Variants in SLC25A51 observed in about 807,000 individuals in gnomAD.
The protein encoded by SLC25A51 is solute carrier family 25 member 51.
A neutral mutation model predicts 19.1 loss-of-function variants in SLC25A51; 11 were observed. The observed-to-expected ratio is 0.58, with a 90% CI of 0.36 to 0.96. The LOEUF is 0.96. SLC25A51 is among the 40% of genes least tolerant of loss of function. The pLI is 0.01. For missense variants in SLC25A51, 201 were observed against 365.4 expected (o/e 0.55, Z 3.67); for synonymous variants, 105 against 133.6 (o/e 0.79, Z 1.47).
chr9:37,877,911 G>A (rs1016965307), downstream of SLC25A51, among the ~76,000 whole-genome samples: 1 of 152,190 alleles, frequency 6.6e-6, no homozygotes, highest in Non-Finnish European at 1.5e-5. Context: ...GCAATGCTGA[G>A]ATGGGAGGAT....
chr9:37,883,534 A>C (rs1295206292), downstream of SLC25A51, among the ~76,000 whole-genome samples: 2 of 152,216 alleles, frequency 1.3e-5, no homozygotes, highest in Non-Finnish European at 2.9e-5. Flanking sequence ...ACCTGTGTGG[A>C]GTGTAAAGAC....
chr9:37,878,956 G>T (rs185543115), downstream of SLC25A51: 6 of 228,298 alleles, frequency 2.6e-5, no homozygotes, highest in Admixed American at 3.3e-4. Context: ...ACTCCTGAAG[G>T]GTTCCAAATG....
intron 2 of SLC25A51, among the ~76,000 whole-genome samples, chr9:37,899,164 T>C (rs1047420517): frequency 3.9e-5 from 6 of 152,234 alleles, no homozygotes; most frequent in African/African-American, 1.4e-4. Context: ...CAGTAGGAAC[T>C]CAACAAGGGC....
chr9:37,894,637 T>A (rs1014051465), intron 2 of SLC25A51, among the ~76,000 whole-genome samples: 1 of 152,266 alleles, frequency 6.6e-6, no homozygotes, highest in East Asian at 1.9e-4. Flanking sequence ...TTACAAAAAA[T>A]TTTAAGTTCT....
chr9:37,891,389 G>A (rs1363608914), intron 2 of SLC25A51, among the ~76,000 whole-genome samples: 2 of 152,256 alleles, frequency 1.3e-5, no homozygotes, highest in Non-Finnish European at 2.9e-5. Context: ...GGGCCATGAT[G>A]ACGATGGCGG....
At chr9:37,883,696 A>C (rs1364051022), downstream of SLC25A51, among the ~76,000 whole-genome samples, 1 of 152,250 alleles carries the variant, frequency 6.6e-6, no homozygotes, top group Non-Finnish European at 1.5e-5. Flanking sequence ...TCAGGCACCA[A>C]GGTGCCTTTA....
At chr9:37,882,832 A>G (rs1831374927), downstream of SLC25A51, among the ~76,000 whole-genome samples, 2 of 152,116 alleles carry the variant, frequency 1.3e-5, no homozygotes, top group Non-Finnish European at 1.5e-5. Context: ...CAGATATTCA[A>G]TCACATTTGC....
chr9:37,891,867 T>A lies in SLC25A51; in HGVS notation c.-42-3275A>T, dbSNP rs865787935. Among the ~76,000 whole-genome samples the A allele has an allele frequency of 6.4e-3, 853 of 132,794 alleles. 13 individuals carry two copies. The highest frequency in any genetic ancestry group is 0.026 in the African/African-American group (805 of 30,932). 87.1% of individuals were successfully genotyped at this position (132,794 alleles called of 152,430 possible). ...GAATGATAAAAAAAAAAAAAAAAAT[T>A]TTATATATATATATATACACACAAC... is the stretch of plus-strand genomic sequence containing the variant. On this transcript the variant is annotated intron_variant, in intron 2 of 2. Coordinates refer to ENST00000242275, the MANE Select transcript of SLC25A51 (RefSeq NM_033412.4).
intron 2 of SLC25A51, among the ~76,000 whole-genome samples, chr9:37,890,112 T>C (rs1332306446): frequency 1.3e-5 from 2 of 152,140 alleles, no homozygotes; most frequent in Non-Finnish European, 2.9e-5. Flanking sequence ...TGGCCAGGCA[T>C]GGTGGCTTAT....
intron 2 of SLC25A51, among the ~76,000 whole-genome samples, chr9:37,892,583 CT>C (rs1005904190): frequency 3.3e-5 from 5 of 149,494 alleles, no homozygotes; most frequent in African/African-American, 4.9e-5. Context: ...TTTTCTTTTT[CT>C]TTTTTTTTGA....
intron 2 of SLC25A51, among the ~76,000 whole-genome samples, chr9:37,895,438 G>C (rs936844540): frequency 6.6e-6 from 1 of 151,188 alleles, no homozygotes; most frequent in Admixed American, 6.6e-5. Context: ...AGCCTCAAGC[G>C]ATCCTAATGC....
intron 1 of SLC25A51, among the ~76,000 whole-genome samples, chr9:37,900,366 T>C (rs1314658372): frequency 4.0e-5 from 6 of 151,792 alleles, no homozygotes; most frequent in Admixed American, 3.9e-4. Flanking sequence ...GGAGAATTGC[T>C]TGAACCCGGG....
chr9:37,888,622 C>G, intron 2 of SLC25A51, 30 bp from the exon 3 acceptor site: 1 of 1,512,516 alleles, frequency 6.6e-7, no homozygotes, highest in East Asian at 2.3e-5. Flanking sequence ...ACGGGTAAAC[C>G]CGTTTTATAG....
chr9:37,896,230 C>T (rs769776077), intron 2 of SLC25A51, among the ~76,000 whole-genome samples: 2 of 152,180 alleles, frequency 1.3e-5, no homozygotes, highest in Non-Finnish European at 2.9e-5. Context: ...GCAGCATAAT[C>T]TAAATACCCA....
At chr9:37,900,213 A>G (rs1189736268) in intron 1 of SLC25A51, among the ~76,000 whole-genome samples, 1 of 151,624 alleles carries the variant, frequency 6.6e-6, no homozygotes, top group African/African-American at 2.4e-5. Context: ...TTGGGAGGCC[A>G]AGGCAGGCGA....
downstream of SLC25A51, among the ~76,000 whole-genome samples, chr9:37,884,770 T>C (rs991471072): frequency 1.3e-5 from 2 of 152,196 alleles, no homozygotes; most frequent in Non-Finnish European, 2.9e-5. Flanking sequence ...AAATGAAAAC[T>C]TGTTAACAGG....
At chr9:37,897,281 C>T (rs1305998501) in intron 2 of SLC25A51, among the ~76,000 whole-genome samples, 1 of 152,008 alleles carries the variant, frequency 6.6e-6, no homozygotes, top group African/African-American at 2.4e-5. Context: ...TCTTCAACTT[C>T]TGGGCTCAAG....
At chr9:37,900,664 G>A (rs978649305) in intron 1 of SLC25A51, among the ~76,000 whole-genome samples, 6 of 149,274 alleles carry the variant, frequency 4.0e-5, no homozygotes, top group African/African-American at 1.2e-4. Flanking sequence ...TTGAACTCCT[G>A]CCTTGGCCTC....
chr9:37,877,947 G>A (rs1197970678), downstream of SLC25A51, among the ~76,000 whole-genome samples: 3 of 152,174 alleles, frequency 2.0e-5, no homozygotes, highest in Non-Finnish European at 4.4e-5. Context: ...GGCTGAGGCT[G>A]CAGTGGGCCA....
Sources: allele counts gnomAD v4.1 joint callset (sites outside exome capture counted in the v4.1 genomes callset), GRCh38; gene constraint gnomAD v4.1.1; transcripts MANE v1.5; gene names NCBI Gene and HGNC (gene_info 2026-07-23, HGNC 2026-07-21).